TEX15: variants seen among roughly 807,000 people sequenced by gnomAD.
TEX15 encodes the protein testis expressed 15, meiosis and synapsis associated.
TEX15 carries 171 observed loss-of-function variants against 237.3 expected under a neutral mutation model. The ratio of observed to expected loss-of-function variants is 0.72; its 90% CI spans 0.64 to 0.82. TEX15 has a LOEUF of 0.82. TEX15 is among the 40% of genes least tolerant of loss of function. TEX15 has a pLI of 0.00. For synonymous variants in TEX15, 1,338 were observed against 1,269.8 expected, an observed-to-expected ratio of 1.05 and a Z score of -1.14; for missense variants, 3,750 against 3,646.5, an observed-to-expected ratio of 1.03 and a Z score of -0.73.
intron 2 of TEX15, among the ~76,000 whole-genome samples, chr8:30,896,456 G>A (rs369210236): frequency 1.3e-5 from 2 of 151,866 alleles, no homozygotes; most frequent in East Asian, 3.9e-4. Context: ...CTTCCTTAGA[G>A]GGCATTAGTG....
intron 1 of TEX15, among the ~76,000 whole-genome samples, chr8:30,912,218 G>C (rs1269278534): frequency 1.3e-5 from 2 of 152,170 alleles, no homozygotes; most frequent in Non-Finnish European, 2.9e-5. Context: ...CGCGGGCTCT[G>C]CAGGGGAGAA....
chr8:30,895,362 T>C (rs993449757), intron 2 of TEX15, among the ~76,000 whole-genome samples: 1 of 147,526 alleles, frequency 6.8e-6, no homozygotes, highest in Non-Finnish European at 1.5e-5. Context: ...GATGGGGTAC[T>C]GAAGGGGTAA....
intron 10 of TEX15, among the ~76,000 whole-genome samples, chr8:30,836,503 C>A (rs548830325): frequency 6.6e-6 from 1 of 152,080 alleles, no homozygotes; most frequent in African/African-American, 2.4e-5. Context: ...TGAGCCACTG[C>A]GCCCAGCCCC....
Position 30,908,960 on chromosome 8 carries a change from T to A in TEX15, c.-86+3919A>T, listed in dbSNP as rs181802835. Among the ~76,000 whole-genome samples the A allele has an allele frequency of 6.1e-4, 93 of 152,332 alleles. 1 individual carries two copies. The highest frequency in any genetic ancestry group is 5.5e-3 in the Admixed American group (84 of 15,294). On this transcript the variant is annotated intron_variant, in intron 1 of 10. Coordinates refer to ENST00000643185, the MANE Select transcript of TEX15 (RefSeq NM_001350162.2). ...TATAAAAATGCCATTTCCGCATTCA[T>A]ATTCTTTCTCACACACACCCTTAAA...
At chr8:30,889,934 CATATATAT>C (rs374692942) in intron 2 of TEX15, among the ~76,000 whole-genome samples, 46 of 123,230 alleles carry the variant, frequency 3.7e-4, no homozygotes, top group African/African-American at 7.5e-4. Flanking sequence ...TAGTTATATA[CATATATAT>C]ATATATATAT....
chr8:30,859,974 G>A lies in TEX15; in HGVS notation c.624C>T (p.Cys208=). 2.0e-6 allele frequency: 3 copies of A among 1,517,834 alleles called. No homozygotes were observed. The highest frequency in any genetic ancestry group is 2.1e-5 in the Admixed American group (1 of 48,270). The allele number at this position is 1,517,834 out of a possible 1,614,324, so 94.0% of individuals were successfully genotyped here. A position where few individuals can be genotyped will look rare whatever the true frequency, so the allele number is the denominator to read the frequency against. ...VSLDPSPNFD[C]HMSRNAPSLK... is the part of the protein sequence containing the mutation. ...AAGAAGGTGCATTTCTTGACATATG[G>A]CAATCAAAGTTAGGAGAAGGATCCA... The change falls in exon 6 of 11, where the codon TGC becomes TGT. Residue 208 remains cysteine (C), a synonymous_variant. Coordinates refer to ENST00000643185, the MANE Select transcript of TEX15 (RefSeq NM_001350162.2).
chr8:30,912,103 C>T (rs1809233254), intron 1 of TEX15, among the ~76,000 whole-genome samples: 1 of 152,208 alleles, frequency 6.6e-6, no homozygotes, highest in Non-Finnish European at 1.5e-5. Flanking sequence ...CTCAGGCGCC[C>T]GCGTCGGAGC....
intron 2 of TEX15, among the ~76,000 whole-genome samples, chr8:30,889,389 T>G (rs1236959026): frequency 6.6e-6 from 1 of 151,892 alleles, no homozygotes; most frequent in African/African-American, 2.4e-5. Context: ...GAGGTGGAGG[T>G]TGCAGCGAGC....
intron 1 of TEX15, among the ~76,000 whole-genome samples, chr8:30,911,211 C>A (rs917360229): frequency 1.3e-5 from 2 of 152,144 alleles, no homozygotes; most frequent in Admixed American, 1.3e-4. Context: ...CCTCAAACTC[C>A]CAGACTCAAG....
At chr8:30,889,937 A>ATATATATACATATATATATATATATACG (rs1373573835) in intron 2 of TEX15, among the ~76,000 whole-genome samples, 9 of 124,298 alleles carry the variant, frequency 7.2e-5, no homozygotes, top group African/African-American at 2.6e-4. Context: ...TTATATACAT[A>ATATATATACATATATATATATATATACG]TATATATATA....
intron 2 of TEX15, among the ~76,000 whole-genome samples, chr8:30,897,633 T>C (rs182710540): frequency 5.9e-5 from 9 of 152,286 alleles, no homozygotes; most frequent in African/African-American, 1.9e-4. Flanking sequence ...ACTAAAAATA[T>C]AAAAATTTTA....
Position 30,867,290 on chromosome 8 carries a change from G to A in TEX15, c.515C>T (p.Thr172Ile), listed in dbSNP as rs1466309780. The change falls in exon 5 of 11, where the codon ACT becomes ATT. Residue 172 changes from threonine (T) to isoleucine (I), a missense_variant. Physicochemically the swap from Thr to Ile is moderately conservative, Grantham distance 89. Coordinates refer to ENST00000643185, the MANE Select transcript of TEX15 (RefSeq NM_001350162.2). The part of the protein sequence containing the change: ...ALNYSHSQSI[T>I]VESILIFKVL... Reference sequence around the variant, plus strand: ...CTTAAAAATTAAAATACTTTCTACAGTAATGCTTTGACTATGAGAATAATT... The same window carrying A: ...CTTAAAAATTAAAATACTTTCTACAATAATGCTTTGACTATGAGAATAATT... 2.7e-6 allele frequency: 4 copies of A among 1,496,658 alleles called. No individual in the cohort carries two copies. The highest frequency in any genetic ancestry group is 3.6e-6 in the Non-Finnish European group (4 of 1,111,546). 92.7% of individuals were successfully genotyped at this position (1,496,658 alleles called of 1,614,324 possible).
intron 1 of TEX15, 129 bp downstream of exon 1, chr8:30,912,750 A>C (rs1809259121): frequency 6.6e-6 from 1 of 152,234 alleles, no homozygotes; most frequent in African/African-American, 2.4e-5. Context: ...TTAATCGGGA[A>C]GCTCCGAGCC....
intron 4 of TEX15, among the ~76,000 whole-genome samples, chr8:30,871,390 A>G (rs1176588734): frequency 6.6e-6 from 1 of 152,004 alleles, no homozygotes. Flanking sequence ...CTTTATCCAC[A>G]TCCAGCTCCC....
rs568923081 is a variant in TEX15, at chr8:30,902,014, G to A, written c.-85-3197C>T. On this transcript the variant is annotated intron_variant, in intron 1 of 10. Coordinates refer to ENST00000643185, the MANE Select transcript of TEX15 (RefSeq NM_001350162.2). ...TCAAACTGTGGTCCCTAGATCAGCA[G>A]CATCAGCACAACCTGGGAACTTGTT... 3.3e-5 allele frequency among the ~76,000 whole-genome samples: 5 copies of A among 152,272 alleles called. No individual in the cohort carries two copies. In the East Asian group the frequency reaches 9.6e-4, roughly 29 times the overall value.
chr8:30,845,558 T>G lies in TEX15; in HGVS notation c.4609A>C (p.Ser1537Arg). The G allele has an allele frequency of 1.2e-6, 2 of 1,613,696 alleles. No homozygotes were observed. Among genetic ancestry groups the G allele is most frequent in the Non-Finnish European group, 1.7e-6 (2 of 1,179,638 alleles). The stretch of plus-strand genomic sequence containing the variant: ...TCTGATAAACTTGGATTGCTTACAC[T>G]GCTATTATAATAAACTGACTGACTT... ...STSQSVYYNS[S>R]VSNPSLSEEH... Residue 1537 changes from serine (S) to arginine (R), a missense_variant, in exon 8 of 11, where the codon AGT becomes CGT. Transcript: ENST00000643185.
In TEX15 at chr8:30,848,617, T is replaced by G. The variant is rs775859251; in HGVS notation, c.1550A>C (p.Asp517Ala). The G allele has an allele frequency of 1.2e-6, 2 of 1,614,098 alleles. No individual in the cohort carries two copies. Residue 517 changes from aspartate to alanine, a missense_variant, in exon 8 of 11, where the codon GAC becomes GCC. Physicochemically the swap from Asp to Ala is moderately radical, Grantham distance 126. Transcript: ENST00000643185. ...TTTATTGGGAGGTATACAGTCATAGTCCTCAGAGCCCATGTTGTGAGCCCA... is the reference window on the plus strand; with the variant it reads ...TTTATTGGGAGGTATACAGTCATAGGCCTCAGAGCCCATGTTGTGAGCCCA... ...QSWAHNMGSEDYDCIPPNKVT... is the reference protein window; with the variant it reads ...QSWAHNMGSEAYDCIPPNKVT...
At chr8:30,836,692 T>C in intron 10 of TEX15, 111 bp downstream of exon 10, 1 of 976,256 alleles carries the variant, frequency 1.0e-6, no homozygotes, top group South Asian at 1.7e-5. Flanking sequence ...TACAGAAAAA[T>C]GACTGCTCTT....
At chr8:30,907,693 A>G (rs1809137072) in intron 1 of TEX15, among the ~76,000 whole-genome samples, 1 of 141,534 alleles carries the variant, frequency 7.1e-6, no homozygotes, top group Admixed American at 7.2e-5. Flanking sequence ...AATTTTATAT[A>G]TAAAATACAT....
Sources: gnomAD v4.1 joint callset for allele counts (sites outside exome capture counted in the v4.1 genomes callset) on GRCh38, gnomAD v4.1.1 for gene constraint, MANE v1.5 for transcripts, NCBI Gene and HGNC (gene_info 2026-07-23, HGNC 2026-07-21) for gene names.